Variants in LAMB1 observed in about 807,000 individuals in gnomAD.
The protein encoded by LAMB1 is laminin subunit beta 1.
Under a neutral mutation model 222.3 loss-of-function variants are expected in LAMB1, and 121 were observed. That is an observed-to-expected ratio of 0.54 (90% CI 0.47 to 0.63). The LOEUF (loss-of-function observed/expected upper bound fraction) is 0.63, where lower values mean the gene tolerates loss of function less well. Among genes scored for constraint, LAMB1 ranks in the 30% least tolerant of loss-of-function variants. LAMB1 has a pLI of 0.00. For synonymous variants in LAMB1, 794 were observed against 807.2 expected (o/e 0.98, Z 0.28); for missense variants, 2,172 against 2,240.8 (o/e 0.97, Z 0.62).
chr7:107,924,209 A>C, intron 33 of LAMB1, 21 bp downstream of exon 33: 1 of 1,578,132 alleles, frequency 6.3e-7, no homozygotes, highest in Non-Finnish European at 8.6e-7. Flanking sequence ...TTAAAAAATA[A>C]GCCTGTGTGA....
At chr7:107,926,452 G>T (rs1324890347) in intron 31 of LAMB1, 93 bp from the exon 32 acceptor site, 2 of 1,050,504 alleles carry the variant, frequency 1.9e-6, no homozygotes, top group Non-Finnish European at 2.8e-6. Flanking sequence ...AGTCTGCTGT[G>T]CCATTTTGCT....
chr7:107,961,980 T>C (rs1048048265), intron 15 of LAMB1, among the ~76,000 whole-genome samples: 2 of 152,204 alleles, frequency 1.3e-5, no homozygotes, highest in African/African-American at 4.8e-5. Flanking sequence ...GTGAATATTA[T>C]AGTCCAAATT....
At chr7:107,976,762 C>G (rs953234343) in intron 9 of LAMB1, among the ~76,000 whole-genome samples, 3 of 152,182 alleles carry the variant, frequency 2.0e-5, no homozygotes, top group Admixed American at 6.5e-5. Flanking sequence ...ATCCTTGCGG[C>G]CTTGTGCTTC....
chr7:107,967,700 A>G (rs1402358986), intron 13 of LAMB1, among the ~76,000 whole-genome samples: 2 of 152,192 alleles, frequency 1.3e-5, no homozygotes, highest in East Asian at 3.9e-4. Context: ...GTTCTGAATG[A>G]ATCCTTACTT....
intron 29 of LAMB1, among the ~76,000 whole-genome samples, chr7:107,930,801 A>C (rs2032688810): frequency 6.6e-6 from 1 of 152,220 alleles, no homozygotes; most frequent in African/African-American, 2.4e-5. Flanking sequence ...GAAAGATGAA[A>C]AGTATGTGGG....
chr7:107,929,546 T>C lies in LAMB1; in HGVS notation c.4611A>G (p.Pro1537=). Residue 1537 remains proline (P), a synonymous_variant, in exon 30 of 34, where the codon CCA becomes CCG. Coordinates refer to ENST00000222399, the MANE Select transcript of LAMB1 (RefSeq NM_002291.3). ...EVLKMEMPST[P]QQLQNLTEDI... ...CTTCTGTCAAGTTCTGTAACTGCTGTGGGGTGCTAGGCATCTCCATTTTCA... is the reference window on the plus strand; with the variant it reads ...CTTCTGTCAAGTTCTGTAACTGCTGCGGGGTGCTAGGCATCTCCATTTTCA... 6.2e-7 allele frequency: 1 copy of C among 1,614,134 alleles called. No homozygotes were observed.
intron 29 of LAMB1, 121 bp from the exon 30 acceptor site, chr7:107,929,740 A>AC: frequency 1.4e-6 from 1 of 740,630 alleles, no homozygotes; most frequent in Non-Finnish European, 2.3e-6. Context: ...AGAGACACTA[A>AC]CTTCCTGTTT....
chr7:107,980,672 G>A lies in LAMB1; in HGVS notation c.816C>T (p.Phe272=), dbSNP rs562088411. The change falls in exon 8 of 34, where the codon TTC becomes TTT. Residue 272 remains phenylalanine (F), a synonymous_variant. Coordinates refer to ENST00000222399, the MANE Select transcript of LAMB1 (RefSeq NM_002291.3). ...VYDMVVRGNC[F]CYGHASECAP... ...CACATTCGCTGGCATGACCATAGCAGAAGCAATTTCCTCGAACCACCATAT... is the reference window on the plus strand; with the variant it reads ...CACATTCGCTGGCATGACCATAGCAAAAGCAATTTCCTCGAACCACCATAT... 90 of 1,614,104 alleles carry A rather than the reference G, an allele frequency of 5.6e-5. No homozygotes were observed. The Middle Eastern group carries it at 1.2e-3, about 21-fold the overall frequency.
At chr7:107,964,460 A>T (rs2033582901) in intron 14 of LAMB1, 92 bp downstream of exon 14, 1 of 1,461,652 alleles carries the variant, frequency 6.8e-7, no homozygotes, top group East Asian at 2.3e-5. Flanking sequence ...AGCTATAAAA[A>T]TGCTTCTGAA....
chr7:107,953,225 G>A (rs1284939472), intron 22 of LAMB1, among the ~76,000 whole-genome samples: 1 of 151,900 alleles, frequency 6.6e-6, no homozygotes, highest in Admixed American at 6.6e-5. Context: ...GGCATGGTGG[G>A]GGGTGCCTGC....
chr7:107,993,964 C>T (rs1226163382), intron 5 of LAMB1, among the ~76,000 whole-genome samples: 5 of 152,198 alleles, frequency 3.3e-5, no homozygotes, highest in African/African-American at 9.6e-5. Context: ...CACACCCACC[C>T]TAGCTCCTTG....
At chr7:107,947,744 C>T (rs2033147815) in intron 24 of LAMB1, among the ~76,000 whole-genome samples, 1 of 152,154 alleles carries the variant, frequency 6.6e-6, no homozygotes, top group African/African-American at 2.4e-5. Context: ...CATTGAGGAT[C>T]CGACACATTC....
Position 107,952,100 on chromosome 7 carries a change from C to G in LAMB1, c.3203G>C (p.Cys1068Ser). The part of the protein sequence containing the change: ...PNVIGQNCDR[C>S]APNTWQLASG... ...GGCCAGCTGCCAGGTATTGGGCGCA[C>G]AGCGGTCACAGTTCTGCCCGATCAC... The change falls in exon 23 of 34, where the codon TGT becomes TCT. Residue 1068 changes from cysteine (C) to serine (S), a missense_variant. Coordinates refer to ENST00000222399, the MANE Select transcript of LAMB1 (RefSeq NM_002291.3). 2.5e-6 allele frequency: 4 copies of G among 1,614,114 alleles called. No individual in the cohort carries two copies. Among genetic ancestry groups the G allele is most frequent in the Non-Finnish European group, 3.4e-6 (4 of 1,179,996 alleles).
chr7:107,942,795 C>T (rs186232726), intron 24 of LAMB1: 11 of 152,240 alleles, frequency 7.2e-5, no homozygotes, highest in African/African-American at 2.4e-4. Context: ...GATGCTTGAT[C>T]GTATTTCCAT....
At chr7:108,003,010 C>A in intron 1 of LAMB1, 39 bp from the exon 2 acceptor site, 2 of 1,525,780 alleles carry the variant, frequency 1.3e-6, no homozygotes, top group South Asian at 1.3e-5. Flanking sequence ...GGCAAATGTT[C>A]AAAGAGAGAA....
rs139934214 is a variant in LAMB1, at chr7:108,002,793, T to C, written c.37+56A>G. On this transcript the variant is annotated intron_variant, in intron 2 of 33. Transcript: ENST00000222399. The stretch of plus-strand genomic sequence containing the variant: ...GAAGGTGAGCAAGCAGCTTTTGGGT[T>C]TTCCTTCCCCATGCCCAAGTCCGTC... The C allele has an allele frequency of 2.0e-3, 3,176 of 1,611,974 alleles. 47 individuals are homozygous for C. In the African/African-American group the frequency reaches 0.034, roughly 17 times the overall value.
intron 27 of LAMB1, among the ~76,000 whole-genome samples, chr7:107,934,646 A>C (rs2032795573): frequency 6.6e-6 from 1 of 152,214 alleles, no homozygotes; most frequent in South Asian, 2.1e-4. Flanking sequence ...ACAAAGGAAC[A>C]TAATAGCTAA....
At chr7:107,929,735 C>CACTA in intron 29 of LAMB1, 116 bp from the exon 30 acceptor site, 1 of 754,488 alleles carries the variant, frequency 1.3e-6, no homozygotes, top group South Asian at 1.7e-5. Flanking sequence ...CACCAAGAGA[C>CACTA]ACTAACTTCC....
intron 29 of LAMB1, 117 bp downstream of exon 29, chr7:107,931,239 G>T: frequency 2.3e-6 from 2 of 863,388 alleles, no homozygotes; most frequent in Admixed American, 2.5e-5. Context: ...ATATACGGAC[G>T]TTTTTCTTAT....
Sources: allele counts gnomAD v4.1 joint callset (sites outside exome capture counted in the v4.1 genomes callset), GRCh38; gene constraint gnomAD v4.1.1; transcripts MANE v1.5; gene names NCBI Gene and HGNC (gene_info 2026-07-23, HGNC 2026-07-21).